ZHX1: variants seen among roughly 807,000 people sequenced by gnomAD.
The protein encoded by ZHX1 is zinc fingers and homeoboxes 1.
In ZHX1, 20 loss-of-function variants were observed where a neutral mutation model predicts 61.8. The observed-to-expected ratio is 0.32, with a 90% CI of 0.23 to 0.47. The LOEUF is 0.47. ZHX1 is among the 20% of genes least tolerant of loss of function. ZHX1 has a pLI of 1.00. For missense variants in ZHX1, 800 were observed against 1,034.8 expected, an observed-to-expected ratio of 0.77 and a Z score of 3.11; for synonymous variants, 318 against 352.6, an observed-to-expected ratio of 0.90 and a Z score of 1.10.
chr8:123,252,088 G>T (rs1323850569), intron 3 of ZHX1, among the ~76,000 whole-genome samples: 2 of 152,146 alleles, frequency 1.3e-5, no homozygotes, highest in African/African-American at 4.8e-5. Flanking sequence ...AAGGAAATAA[G>T]TAAGCATGCT....
chr8:123,268,552 C>T (rs756808895), intron 1 of ZHX1, among the ~76,000 whole-genome samples: 4 of 151,852 alleles, frequency 2.6e-5, no homozygotes, highest in Non-Finnish European at 5.9e-5. Flanking sequence ...AGTGCAGTGG[C>T]GCAATATCGA....
rs1457665960 is a variant in ZHX1 at position 123,254,243 on chromosome 8, A to G, written c.1704T>C (p.Thr568=). 15 of 1,614,016 alleles carry G rather than the reference A, an allele frequency of 9.3e-6. No homozygotes were observed. The highest frequency in any genetic ancestry group is 1.3e-5 in the Non-Finnish European group (15 of 1,180,034). The part of the protein sequence containing the change: ...KQSWNPFPDF[T]PQKFKEKTAE... Reference sequence around the variant, plus strand: ...CAGTTTTCTCTTTAAACTTTTGGGGAGTAAAGTCAGGAAAAGGATTCCAGG... The same window carrying G: ...CAGTTTTCTCTTTAAACTTTTGGGGGGTAAAGTCAGGAAAAGGATTCCAGG... Residue 568 remains threonine, a synonymous_variant, in exon 3 of 4, where the codon ACT becomes ACC. Transcript: ENST00000395571. This position sits in a 1 kb window ranked among gnomAD's most constrained non-coding sequence, Gnocchi z 4.1.
intron 1 of ZHX1, among the ~76,000 whole-genome samples, chr8:123,272,355 TTA>T (rs1265663902): frequency 6.6e-6 from 1 of 152,242 alleles, no homozygotes; most frequent in Admixed American, 6.5e-5. Context: ...TTGTATAAAA[TTA>T]GTCTGCTTAG....
chr8:123,259,877 C>T (rs1826192475), intron 2 of ZHX1, among the ~76,000 whole-genome samples: 1 of 152,104 alleles, frequency 6.6e-6, no homozygotes, highest in Non-Finnish European at 1.5e-5. Flanking sequence ...GAGAAGCCAT[C>T]GGCCAGGCAC....
chr8:123,256,022 A>G lies in ZHX1; in HGVS notation c.-76T>C. On this transcript the variant is annotated 5_prime_UTR_variant, in exon 3 of 4. Coordinates refer to ENST00000395571, the MANE Select transcript of ZHX1 (RefSeq NM_007222.5). ...AAAACTGTTCAGTGTTCTTCATTTGAAAACAATGGCTTTTGGTTCTTCAAG... is the reference window on the plus strand; with the variant it reads ...AAAACTGTTCAGTGTTCTTCATTTGGAAACAATGGCTTTTGGTTCTTCAAG... 1 of 1,392,240 alleles carries G rather than the reference A, an allele frequency of 7.2e-7. No homozygotes were observed. Among genetic ancestry groups the G allele is most frequent in the South Asian group, 1.6e-5 (1 of 61,482 alleles). 86.2% of individuals were successfully genotyped at this position (1,392,240 alleles called of 1,614,324 possible).
upstream of ZHX1, among the ~76,000 whole-genome samples, chr8:123,274,997 CG>C (rs1826799907): frequency 6.6e-6 from 1 of 152,166 alleles, no homozygotes; most frequent in South Asian, 2.1e-4. Flanking sequence ...CACCTCTCCT[CG>C]CTTCGGACCC....
rs1825846042 is a variant in ZHX1 at position 123,248,974 on chromosome 8, A to T, written c.*1350T>A. 6.6e-6 allele frequency: 1 copy of T among 152,602 alleles called. No homozygotes were observed. Among genetic ancestry groups the T allele is most frequent in the Non-Finnish European group, 1.5e-5 (1 of 67,996 alleles). The allele number at this position is 152,602 out of a possible 1,614,324, so 9.5% of individuals were successfully genotyped here. A position where few individuals can be genotyped will look rare whatever the true frequency, so the allele number is the denominator to read the frequency against. On this transcript the variant is annotated 3_prime_UTR_variant, in exon 4 of 4. Coordinates refer to ENST00000395571, the MANE Select transcript of ZHX1 (RefSeq NM_007222.5). ...ACTAATAAAGCTATAGTTAAAAAAT[A>T]AAAAGTTTATAAAAATGAAAGCAGC...
chr8:123,254,991 G>C lies in ZHX1; in HGVS notation c.956C>G (p.Ala319Gly). ...CTGTTCCTCTGTATATTTTGCTTGA[G>C]CAGAAAGAACTGTAATTTCTGACAT... ...PTMSEITVLS[A>G]QAKYTEEQIK... is the part of the protein sequence containing the mutation. Residue 319 changes from alanine (A) to glycine (G), a missense_variant, in exon 3 of 4, where the codon GCT (alanine) becomes GGT (glycine). Ala to Gly is a moderately conservative substitution (Grantham distance 60, BLOSUM62 0). Coordinates refer to ENST00000395571, the MANE Select transcript of ZHX1 (RefSeq NM_007222.5). This position sits in a 1 kb window ranked among gnomAD's most constrained non-coding sequence, Gnocchi z 4.1. The C allele has an allele frequency of 6.2e-7, 1 of 1,614,182 alleles. No homozygotes were observed. The highest frequency in any genetic ancestry group is 8.5e-7 in the Non-Finnish European group (1 of 1,180,032).
intron 2 of ZHX1, among the ~76,000 whole-genome samples, chr8:123,261,505 C>A (rs1421390865): frequency 2.6e-5 from 4 of 152,224 alleles, no homozygotes; most frequent in Middle Eastern, 3.4e-3. Flanking sequence ...GCAATGGTGA[C>A]CAAGACAGGC....
intron 1 of ZHX1, among the ~76,000 whole-genome samples, chr8:123,268,104 C>T (rs1395552814): frequency 6.6e-6 from 1 of 152,076 alleles, no homozygotes; most frequent in Non-Finnish European, 1.5e-5. Flanking sequence ...AGTACATAAA[C>T]CTAGTGATAT....
Position 123,253,660 on chromosome 8 carries a change from T to A in ZHX1, c.2287A>T (p.Ser763Cys), listed in dbSNP as rs150304141. Residue 763 changes from serine (S) to cysteine (C), a missense_variant, in exon 3 of 4, where the codon AGC becomes TGC. Transcript: ENST00000395571. Reference protein sequence around the residue: ...RGRPRGRPRGSKRINNWDRGP... With the variant: ...RGRPRGRPRGCKRINNWDRGP... ...CTGTCCCAGTTGTTAATTCTTTTGC[T>A]TCCTCTAGGCCGCCCACGCGGTCTT... The A allele has an allele frequency of 1.2e-6, 2 of 1,614,116 alleles. No individual in the cohort carries two copies. The highest frequency in any genetic ancestry group is 2.7e-5 in the African/African-American group (2 of 74,950).
chr8:123,265,853 C>T (rs989887460), intron 2 of ZHX1, among the ~76,000 whole-genome samples: 3 of 152,194 alleles, frequency 2.0e-5, no homozygotes, highest in Non-Finnish European at 2.9e-5. Flanking sequence ...AATCAAATGT[C>T]AGAGGATACC....
Position 123,254,792 on chromosome 8 carries a change from T to C in ZHX1, c.1155A>G (p.Leu385=). ...GCTGACCAACTATTTGGCATGTCTG[T>C]AAAATAGATGGTAAACCATTACTCC... ...STGSNGLPSI[L]QTCQIVGQPG... Residue 385 remains leucine, a synonymous_variant, in exon 3 of 4, where the codon TTA becomes TTG. Coordinates refer to ENST00000395571, the MANE Select transcript of ZHX1 (RefSeq NM_007222.5). This position sits in a 1 kb window ranked among gnomAD's most constrained non-coding sequence, Gnocchi z 4.1. 6.2e-7 allele frequency: 1 copy of C among 1,614,208 alleles called. No homozygotes were observed. Among genetic ancestry groups the C allele is most frequent in the Non-Finnish European group, 8.5e-7 (1 of 1,180,028 alleles).
chr8:123,253,196 T>G lies in ZHX1; in HGVS notation c.*3+126A>C, dbSNP rs1223468924. The G allele has an allele frequency of 4.2e-6, 3 of 717,268 alleles. No homozygotes were observed. The East Asian group carries it at 8.1e-5, about 19-fold the overall frequency. 44.4% of individuals were successfully genotyped at this position (717,268 alleles called of 1,614,324 possible). On this transcript the variant is annotated intron_variant, in intron 3 of 3. Coordinates refer to ENST00000395571, the MANE Select transcript of ZHX1 (RefSeq NM_007222.5). ...TAGCTATACTAGTGGTACCTAGTCT[T>G]ATTAGGGAAAAGAAAAACTACTTCA...
Position 123,249,837 on chromosome 8 carries a change from GTTTTTT to G in ZHX1, c.*481_*486del, listed in dbSNP as rs869039149. 2 of 117,300 alleles carry G rather than the reference GTTTTTT, an allele frequency of 1.7e-5. No homozygotes were observed. The highest frequency in any genetic ancestry group is 8.9e-5 in the Admixed American group (1 of 11,278). 7.3% of individuals were successfully genotyped at this position (117,300 alleles called of 1,614,324 possible). A position where few individuals can be genotyped will look rare whatever the true frequency, so the allele number is the denominator to read the frequency against. On this transcript the variant is annotated 3_prime_UTR_variant, in exon 4 of 4. Coordinates refer to ENST00000395571, the MANE Select transcript of ZHX1 (RefSeq NM_007222.5). ...AAATAAGACATAGTAATAAATCAGG[GTTTTTT>G]TTTTTTTTTTTTTTTTACCCATTTC...
chr8:123,264,614 A>G (rs532680403), intron 2 of ZHX1, among the ~76,000 whole-genome samples: 4 of 152,146 alleles, frequency 2.6e-5, no homozygotes, highest in African/African-American at 9.6e-5. Context: ...GCTGGAGTGC[A>G]CTGGGGCAAT....
rs200056989 is a variant in ZHX1 at position 123,255,801 on chromosome 8, T to A, written c.146A>T (p.Asp49Val). The A allele has an allele frequency of 4.4e-5, 71 of 1,614,164 alleles. No individual in the cohort carries two copies. In the East Asian group the frequency reaches 1.5e-3, roughly 34 times the overall value. The change falls in exon 3 of 4, where the codon GAT becomes GTT. Residue 49 changes from aspartate (D) to valine (V), a missense_variant. Transcript: ENST00000395571. Reference sequence around the variant, plus strand: ...ATCCACAGATTCATGAACCTCTTCATCACTTGAGATACTCTCTGCTCTGGT... The same window carrying A: ...ATCCACAGATTCATGAACCTCTTCAACACTTGAGATACTCTCTGCTCTGGT... ...ENTRAESISSDEEVHESVDSD... is the reference protein window; with the variant it reads ...ENTRAESISSVEEVHESVDSD...
intron 3 of ZHX1, among the ~76,000 whole-genome samples, chr8:123,250,725 T>C (rs965480830): frequency 6.6e-6 from 1 of 152,198 alleles, no homozygotes; most frequent in Non-Finnish European, 1.5e-5. Flanking sequence ...TTTTGGTAAA[T>C]TGAACAATAT....
Position 123,267,293 on chromosome 8 carries a change from T to G in ZHX1, c.-246A>C. Reference sequence around the variant, plus strand: ...CATACTTGCCACAGCTTCCTTAGCATTCTGTTCTTTGAAATGGAAGGGTAT... The same window carrying G: ...CATACTTGCCACAGCTTCCTTAGCAGTCTGTTCTTTGAAATGGAAGGGTAT... On this transcript the variant is annotated 5_prime_UTR_variant, in exon 2 of 4. The change abolishes an upstream ATG in the 5' untranslated region. Transcript: ENST00000395571. 1 of 1,531,214 alleles carries G rather than the reference T, an allele frequency of 6.5e-7. No individual in the cohort carries two copies. Among genetic ancestry groups the G allele is most frequent in the Non-Finnish European group, 8.7e-7 (1 of 1,143,654 alleles). The allele number at this position is 1,531,214 out of a possible 1,614,324, so 94.9% of individuals were successfully genotyped here.
Sources: allele counts gnomAD v4.1 joint callset (sites outside exome capture counted in the v4.1 genomes callset), GRCh38; gene constraint gnomAD v4.1.1; non-coding constraint Gnocchi (gnomAD v3.1); transcripts MANE v1.5; gene names NCBI Gene and HGNC (gene_info 2026-07-23, HGNC 2026-07-21).